Variants in HTR7 observed in about 807,000 individuals in gnomAD.
The protein encoded by HTR7 is 5-hydroxytryptamine receptor 7.
A neutral mutation model predicts 34.0 loss-of-function variants in HTR7; 16 were observed. The observed-to-expected ratio is 0.47, with a 90% CI of 0.32 to 0.71. HTR7 has a LOEUF of 0.71. Among genes scored for constraint, HTR7 ranks in the 30% least tolerant of loss-of-function variants. The pLI is 0.04. For missense variants in HTR7, 504 were observed against 625.5 expected (o/e 0.81, Z 2.07); for synonymous variants, 265 against 260.2 (o/e 1.02, Z -0.18).
intron 1 of HTR7, among the ~76,000 whole-genome samples, chr10:90,802,995 C>CTT (rs1554855564): frequency 4.8e-5 from 6 of 124,672 alleles, no homozygotes; most frequent in Non-Finnish European, 1.0e-4. Context: ...CCATTTGTGG[C>CTT]CTTTTTTTTT....
chr10:90,764,009 T>G (rs570732415), intron 1 of HTR7, among the ~76,000 whole-genome samples: 1 of 152,318 alleles, frequency 6.6e-6, no homozygotes, highest in South Asian at 2.1e-4. Flanking sequence ...GTATTTCTGC[T>G]TCTAGGTCCT....
chr10:90,834,036 A>AG (rs1846217416), intron 1 of HTR7, among the ~76,000 whole-genome samples: 1 of 152,196 alleles, frequency 6.6e-6, no homozygotes, highest in Non-Finnish European at 1.5e-5. Context: ...AGGATAGGTA[A>AG]AAGGCACGCT....
intron 2 of HTR7, among the ~76,000 whole-genome samples, chr10:90,747,164 A>G (rs1052848932): frequency 3.9e-5 from 6 of 152,182 alleles, no homozygotes; most frequent in African/African-American, 1.4e-4. Flanking sequence ...TGCTAGAAGC[A>G]CCTATTTTGC....
intron 1 of HTR7, among the ~76,000 whole-genome samples, chr10:90,782,974 T>G (rs745815953): frequency 1.3e-5 from 2 of 152,182 alleles, no homozygotes; most frequent in Non-Finnish European, 2.9e-5. Flanking sequence ...TAGTTTTTGG[T>G]GGAAGTGCCT....
At chr10:90,754,386 G>A (rs1213488847) in intron 1 of HTR7, among the ~76,000 whole-genome samples, 7 of 151,328 alleles carry the variant, frequency 4.6e-5, no homozygotes, top group Admixed American at 1.3e-4. Flanking sequence ...ACCTTCAAGG[G>A]TGAGAAAGAA....
intron 1 of HTR7, among the ~76,000 whole-genome samples, chr10:90,811,105 G>A (rs918765944): frequency 2.0e-5 from 3 of 151,860 alleles, no homozygotes; most frequent in African/African-American, 4.8e-5. Context: ...GCCCCAACCC[G>A]AGCGCTCCCT....
At chr10:90,783,100 TTC>T (rs1491467687) in intron 1 of HTR7, among the ~76,000 whole-genome samples, 3 of 152,318 alleles carry the variant, frequency 2.0e-5, no homozygotes, top group African/African-American at 7.2e-5. Flanking sequence ...TTGCATCTAC[TTC>T]TGTCAGGCCA....
At chr10:90,833,978 TGGG>T (rs1846216195) in intron 1 of HTR7, among the ~76,000 whole-genome samples, 1 of 152,212 alleles carries the variant, frequency 6.6e-6, no homozygotes, top group African/African-American at 2.4e-5. Flanking sequence ...TGAAAAAACT[TGGG>T]GGCACTTTGC....
intron 1 of HTR7, among the ~76,000 whole-genome samples, chr10:90,831,980 A>G (rs1339045870): frequency 1.3e-5 from 2 of 152,160 alleles, no homozygotes; most frequent in Non-Finnish European, 2.9e-5. Flanking sequence ...CCTGAGCTAG[A>G]CATAGGGTGC....
chr10:90,769,398 A>G (rs1845072691), intron 1 of HTR7, among the ~76,000 whole-genome samples: 1 of 152,202 alleles, frequency 6.6e-6, no homozygotes, highest in African/African-American at 2.4e-5. Context: ...GCCCATTTCC[A>G]TTAATCTTCC....
At chr10:90,822,993 T>C (rs1428308391) in intron 1 of HTR7, among the ~76,000 whole-genome samples, 1 of 152,080 alleles carries the variant, frequency 6.6e-6, no homozygotes, top group Non-Finnish European at 1.5e-5. Context: ...TCTCAGATGA[T>C]GTATGGAAAT....
At chr10:90,758,486 T>C (rs7903572) in intron 1 of HTR7, among the ~76,000 whole-genome samples, 93,918 of 151,832 alleles carry the variant, frequency 0.62, 30,846 homozygotes, top group African/African-American at 0.86. Flanking sequence ...AATTAGAAGG[T>C]GACAGGTAAG....
chr10:90,752,694 A>G (rs1302495301), intron 1 of HTR7, among the ~76,000 whole-genome samples: 1 of 152,198 alleles, frequency 6.6e-6, no homozygotes, highest in Non-Finnish European at 1.5e-5. Flanking sequence ...AGATAGGTTC[A>G]AATTGATTCA....
chr10:90,752,181 A>T (rs1564669580), intron 1 of HTR7, among the ~76,000 whole-genome samples: 1 of 152,090 alleles, frequency 6.6e-6, no homozygotes, highest in Non-Finnish European at 1.5e-5. Context: ...GCTAAAATCA[A>T]CTGAAATATT....
At chr10:90,767,285 C>T (rs1845040190) in intron 1 of HTR7, among the ~76,000 whole-genome samples, 1 of 152,180 alleles carries the variant, frequency 6.6e-6, no homozygotes, top group Admixed American at 6.5e-5. Flanking sequence ...ATTATAATTT[C>T]AGCCATTAAT....
chr10:90,766,572 G>A (rs986796787), intron 1 of HTR7, among the ~76,000 whole-genome samples: 7 of 152,052 alleles, frequency 4.6e-5, no homozygotes, highest in South Asian at 2.1e-4. Context: ...CATTTTGTTC[G>A]CTGTTTTCTG....
rs1274649595 is a variant in HTR7, at chr10:90,742,523, T to A, written c.1399A>T (p.Met467Leu). The A allele has an allele frequency of 1.3e-6, 2 of 1,588,628 alleles. No homozygotes were observed. Among genetic ancestry groups the A allele is most frequent in the African/African-American group, 1.3e-5 (1 of 74,540 alleles). Residue 467 changes from methionine to leucine, a missense_variant, in exon 4 of 4, where the codon ATG (methionine) becomes TTG (leucine). Met to Leu is a conservative substitution (Grantham distance 15). Around this residue, in one of 4 missense-constraint regions of HTR7, gnomAD observed 154 missense variants for 212.1 expected, o/e 0.73. Coordinates refer to ENST00000336152, the MANE Select transcript of HTR7 (RefSeq NM_019859.4). The stretch of plus-strand genomic sequence containing the variant: ...ACCTTTTTTTCTACAGTAGTCAGCA[T>A]TTTGTCTAAAAAAAAGAGAGAGAAA... ...PDHHNWLADK[M>L]LTTVEKKVMI...
chr10:90,845,511 A>G (rs1846402026), intron 1 of HTR7, among the ~76,000 whole-genome samples: 1 of 152,148 alleles, frequency 6.6e-6, no homozygotes, highest in African/African-American at 2.4e-5. Context: ...TTCATCTTTG[A>G]CCAGCAGAGT....
chr10:90,790,010 A>T (rs1845440564), intron 1 of HTR7, among the ~76,000 whole-genome samples: 1 of 152,088 alleles, frequency 6.6e-6, no homozygotes, highest in South Asian at 2.1e-4. Flanking sequence ...CTTAGTGCAC[A>T]CCCTACACAT....
Sources: gnomAD v4.1 joint callset for allele counts (sites outside exome capture counted in the v4.1 genomes callset) on GRCh38, gnomAD v4.1.1 for gene constraint, gnomAD v4.1.1 regional missense constraint, MANE v1.5 for transcripts, NCBI Gene and HGNC (gene_info 2026-07-23, HGNC 2026-07-21) for gene names.